DNAJC21: variants seen among roughly 807,000 people sequenced by gnomAD.
The protein encoded by DNAJC21 is dnaJ homolog subfamily C member 21.
In DNAJC21, 63 loss-of-function variants were observed where a neutral mutation model predicts 72.4. The ratio of observed to expected loss-of-function variants is 0.87; its 90% CI spans 0.71 to 1.07. The LOEUF (loss-of-function observed/expected upper bound fraction) is 1.07, where lower values mean the gene tolerates loss of function less well. DNAJC21 is among the 50% of genes least tolerant of loss of function. DNAJC21 has a pLI of 0.00. For missense variants in DNAJC21, 634 were observed against 644.8 expected, an observed-to-expected ratio of 0.98 and a Z score of 0.18; for synonymous variants, 203 against 216.7, an observed-to-expected ratio of 0.94 and a Z score of 0.56.
chr5:34,938,935 G>A lies in DNAJC21; in HGVS notation c.821G>A (p.Arg274Gln), dbSNP rs77129269. The change falls in exon 6 of 12, where the codon CGG becomes CAG. Residue 274 changes from arginine to glutamine, a missense_variant. Arg to Gln is a conservative substitution (Grantham distance 43, BLOSUM62 1). Transcript: ENST00000648817. ...LEKELQEMEARYEKEFGDGSD... is the reference protein window; with the variant it reads ...LEKELQEMEAQYEKEFGDGSD... ...AAAGAGCTCCAGGAGATGGAGGCACGGTACGAGAAGGAGTTTGGAGATGGA... is the reference window on the plus strand; with the variant it reads ...AAAGAGCTCCAGGAGATGGAGGCACAGTACGAGAAGGAGTTTGGAGATGGA... 382 of 1,614,022 alleles carry A rather than the reference G, an allele frequency of 2.4e-4. No individual in the cohort carries two copies. The East Asian group carries it at 7.4e-3, about 31-fold the overall frequency.
At position 34,929,621 on chromosome 5, in the gene DNAJC21, T is replaced by A. The variant is rs976270784; in HGVS notation, c.-199T>A. On this transcript the variant is annotated 5_prime_UTR_variant, in exon 1 of 12. Coordinates refer to ENST00000648817, the MANE Select transcript of DNAJC21 (RefSeq NM_001012339.3). ...CTCCCGCTTGCCGCAGCCTGCGTCG[T>A]CTGCCGCCACCGCGCGCCTTCACTG... 2.4e-4 allele frequency: 37 copies of A among 154,078 alleles called. No homozygotes were observed. The highest frequency in any genetic ancestry group is 5.1e-4 in the African/African-American group (21 of 40,946). 9.5% of individuals were successfully genotyped at this position (154,078 alleles called of 1,614,324 possible). A position where few individuals can be genotyped will look rare whatever the true frequency, so the allele number is the denominator to read the frequency against.
chr5:34,951,178 A>G, intron 10 of DNAJC21: 1 of 985,436 alleles, frequency 1.0e-6, no homozygotes, highest in Non-Finnish European at 1.2e-6. Context: ...CTATAGAAAA[A>G]GGTATATAAA....
rs978522565 is a variant in DNAJC21 at position 34,955,789 on chromosome 5, C to T, written c.*1075C>T. ...GTAATTTTGGCTGGTCGCGGTGGCT[C>T]ACGCCTGTAATCCCAGCACTTTGGG... is the stretch of plus-strand genomic sequence containing the variant. On this transcript the variant is annotated 3_prime_UTR_variant, in exon 12 of 12. Transcript: ENST00000648817. 2 of 151,814 alleles carry T rather than the reference C, an allele frequency of 1.3e-5. No homozygotes were observed. Among genetic ancestry groups the T allele is most frequent in the East Asian group, 1.9e-4 (1 of 5,176 alleles). 9.4% of individuals were successfully genotyped at this position (151,814 alleles called of 1,614,324 possible).
intron 8 of DNAJC21, 66 bp from the exon 9 acceptor site, chr5:34,945,692 CTTT>C (rs534209289): frequency 2.7e-5 from 28 of 1,031,376 alleles, no homozygotes; most frequent in South Asian, 1.1e-4. Flanking sequence ...AGTGTTTCAA[CTTT>C]TTTTTTTTTC....
chr5:34,954,629 C>G lies in DNAJC21; in HGVS notation c.1511C>G (p.Thr504Arg). ...RNKLFDHLKATGHARAPSSSS... is the reference protein window; with the variant it reads ...RNKLFDHLKARGHARAPSSSS... The stretch of plus-strand genomic sequence containing the variant: ...AAACTTTTTGACCATCTAAAGGCCA[C>G]AGGTCATGCAAGAGCACCTTCATCA... The change falls in exon 12 of 12, where the codon ACA (threonine) becomes AGA (arginine). Residue 504 changes from threonine to arginine, a missense_variant. Coordinates refer to ENST00000648817, the MANE Select transcript of DNAJC21 (RefSeq NM_001012339.3). 3 of 1,613,650 alleles carry G rather than the reference C, an allele frequency of 1.9e-6. No homozygotes were observed. The highest frequency in any genetic ancestry group is 2.5e-6 in the Non-Finnish European group (3 of 1,179,850).
In DNAJC21 at chr5:34,958,000, G is replaced by C. The variant is rs1195593694; in HGVS notation, c.*3286G>C. On this transcript the variant is annotated 3_prime_UTR_variant, in exon 12 of 12. Coordinates refer to ENST00000648817, the MANE Select transcript of DNAJC21 (RefSeq NM_001012339.3). ...GAGGAAAAATTAGAGGTGATTTTCA[G>C]ATTTCTTGTTCTATGGAAGAGGAAG... 6 of 152,182 alleles carry C rather than the reference G, an allele frequency of 3.9e-5. No homozygotes were observed. In the South Asian group the frequency reaches 1.0e-3, roughly 26 times the overall value. The allele number at this position is 152,182 out of a possible 1,614,324, so 9.4% of individuals were successfully genotyped here. A position where few individuals can be genotyped will look rare whatever the true frequency, so the allele number is the denominator to read the frequency against.
rs772587639 is a variant in DNAJC21, at chr5:34,936,180, A to G, written c.352A>G (p.Ile118Val). 11 of 1,613,934 alleles carry G rather than the reference A, an allele frequency of 6.8e-6. No homozygotes were observed. The highest frequency in any genetic ancestry group is 8.5e-6 in the Non-Finnish European group (10 of 1,179,992). ...YTVYRNVFEMIAKEELESVLE... is the reference protein window; with the variant it reads ...YTVYRNVFEMVAKEELESVLE... ...GGTGTATCGTAATGTTTTTGAAATG[A>G]TTGCCAAGGAAGAACTAGAATCTGT... Residue 118 changes from isoleucine (I) to valine (V), a missense_variant, in exon 4 of 12, where the codon ATT (isoleucine) becomes GTT (valine). Coordinates refer to ENST00000648817, the MANE Select transcript of DNAJC21 (RefSeq NM_001012339.3).
intron 9 of DNAJC21, chr5:34,949,666 GAAAACAGA>G (rs1765294608): frequency 6.2e-7 from 1 of 1,613,688 alleles, no homozygotes; most frequent in Non-Finnish European, 8.5e-7. Context: ...AATGTTGCTT[GAAAACAGA>G]CAGGTACGCT....
chr5:34,947,656 G>GT (rs11404640), intron 9 of DNAJC21, among the ~76,000 whole-genome samples: 23,748 of 87,198 alleles, frequency 0.27, 2,215 homozygotes, highest in Middle Eastern at 0.34. Context: ...TTTTCACCAT[G>GT]TTTTTTTTTT....
Position 34,944,872 on chromosome 5 carries a change from A to G in DNAJC21, c.989A>G (p.Lys330Arg). 1 of 1,614,168 alleles carries G rather than the reference A, an allele frequency of 6.2e-7. No homozygotes were observed. Among genetic ancestry groups the G allele is most frequent in the Non-Finnish European group, 8.5e-7 (1 of 1,179,998 alleles). ...DKSFKTEKAM[K>R]NHEKSKKHRE... ...ACGTCAGATTGCTCTTTCAGCATGA[A>G]GAATCACGAGAAGTCAAAGAAGCAT... Residue 330 changes from lysine (K) to arginine (R), a missense_variant, in exon 8 of 12, where the codon AAG (lysine) becomes AGG (arginine). Coordinates refer to ENST00000648817, the MANE Select transcript of DNAJC21 (RefSeq NM_001012339.3).
In DNAJC21 at chr5:34,956,257, G is replaced by C. The variant is rs1344810582; in HGVS notation, c.*1543G>C. 1.3e-5 allele frequency: 2 copies of C among 152,558 alleles called. No individual in the cohort carries two copies. Among genetic ancestry groups the C allele is most frequent in the African/African-American group, 4.8e-5 (2 of 41,440 alleles). The allele number at this position is 152,558 out of a possible 1,614,324, so 9.5% of individuals were successfully genotyped here. Reference sequence around the variant, plus strand: ...TTCTGATAGCTTCATGGATAGTATTGATGATCAGATTTCTTCTGTGTTATT... The same window carrying C: ...TTCTGATAGCTTCATGGATAGTATTCATGATCAGATTTCTTCTGTGTTATT... On this transcript the variant is annotated 3_prime_UTR_variant, in exon 12 of 12. Transcript: ENST00000648817.
intron 10 of DNAJC21, chr5:34,951,727 T>C (rs965385353): frequency 2.3e-6 from 2 of 866,664 alleles, no homozygotes; most frequent in African/African-American, 1.8e-5. Context: ...GGTTTCACCA[T>C]GTTGCACAGG....
chr5:34,942,324 T>C (rs1765022251), intron 7 of DNAJC21, among the ~76,000 whole-genome samples: 1 of 151,964 alleles, frequency 6.6e-6, no homozygotes, highest in Non-Finnish European at 1.5e-5. Flanking sequence ...GATACCATTA[T>C]TATAAAGGAG....
chr5:34,944,838 C>T lies in DNAJC21; in HGVS notation c.984-29C>T. 1.9e-6 allele frequency: 3 copies of T among 1,612,158 alleles called. No homozygotes were observed. In the East Asian group the frequency reaches 6.7e-5, roughly 36 times the overall value. ...CTGGACACGTGAACTAATTTTAGCG[C>T]AGCTGCTCACGTCAGATTGCTCTTT... On this transcript the variant is annotated intron_variant, in intron 7 of 11. Transcript: ENST00000648817.
At chr5:34,949,416 C>T in intron 9 of DNAJC21, 1 of 1,419,912 alleles carries the variant, frequency 7.0e-7, no homozygotes, top group Non-Finnish European at 9.4e-7. Flanking sequence ...ATTACACCCC[C>T]TATCCTGTAT....
intron 10 of DNAJC21, chr5:34,950,957 G>A (rs1765344833): frequency 1.0e-6 from 1 of 981,718 alleles, no homozygotes; most frequent in Non-Finnish European, 1.2e-6. Flanking sequence ...TATTTCTTGA[G>A]GAAAGATCTG....
In DNAJC21 at chr5:34,937,514, C is replaced by T. The variant is rs753129989; in HGVS notation, c.627C>T (p.Phe209=). The change falls in exon 5 of 12, where the codon TTC becomes TTT. Residue 209 remains phenylalanine (F), a synonymous_variant. Transcript: ENST00000648817. ...KNELVRQLVA[F]IRKRDKRVQA... ...AGCTTGTCCGTCAGCTGGTAGCTTT[C>T]ATTCGTAAAAGAGATAAAAGAGTGC... 3.0e-5 allele frequency: 48 copies of T among 1,614,008 alleles called. No individual in the cohort carries two copies. Among genetic ancestry groups the T allele is most frequent in the Non-Finnish European group, 4.0e-5 (47 of 1,179,974 alleles).
At chr5:34,945,692 C>CT (rs534209289) in intron 8 of DNAJC21, 69 bp from the exon 9 acceptor site, 61,079 of 944,286 alleles carry the variant, frequency 0.065, no homozygotes, top group South Asian at 0.074. Context: ...AGTGTTTCAA[C>CT]TTTTTTTTTT....
chr5:34,954,291 G>GT, intron 11 of DNAJC21: 1 of 476,482 alleles, frequency 2.1e-6, no homozygotes, highest in Non-Finnish European at 3.6e-6. Context: ...GAGATTAATT[G>GT]TGAAGCATAA....
Sources: allele counts gnomAD v4.1 joint callset (sites outside exome capture counted in the v4.1 genomes callset), GRCh38; gene constraint gnomAD v4.1.1; transcripts MANE v1.5; gene names NCBI Gene and HGNC (gene_info 2026-07-23, HGNC 2026-07-21).